The following DPYD variants were observed in gnomAD, a reference collection of about 807,000 sequenced individuals.
The protein encoded by DPYD is dihydropyrimidine dehydrogenase [NADP(+)].
In DPYD, 109 loss-of-function variants were observed where a neutral mutation model predicts 116.2. The observed-to-expected ratio is 0.94, with a 90% CI of 0.80 to 1.10. The LOEUF is 1.10. DPYD is among the 50% of genes least tolerant of loss of function. The probability of loss-of-function intolerance (pLI) is 0.00; values close to 1 mark genes in which losing one functional copy is unlikely to be tolerated. For missense variants in DPYD, 1,302 were observed against 1,254.5 expected (o/e 1.04, Z -0.57); for synonymous variants, 440 against 432.0 (o/e 1.02, Z -0.23).
intron 16 of DPYD, among the ~76,000 whole-genome samples, chr1:97,311,732 G>A (rs1052472643): frequency 1.3e-5 from 2 of 151,566 alleles, no homozygotes; most frequent in Non-Finnish European, 2.9e-5. Context: ...AAAATAAATG[G>A]TAATATAGTC....
chr1:97,151,165 A>G (rs74837460), intron 20 of DPYD, among the ~76,000 whole-genome samples: 333 of 152,330 alleles, frequency 2.2e-3, no homozygotes, highest in African/African-American at 7.5e-3. Flanking sequence ...GTTCCTTTTA[A>G]AACATTAAAA....
At chr1:97,308,424 G>T (rs1667292106) in intron 16 of DPYD, 1 of 151,568 alleles carries the variant, frequency 6.6e-6, no homozygotes, top group Non-Finnish European at 1.5e-5. Flanking sequence ...CACAGCCAAG[G>T]GTAAGTACAG....
intron 13 of DPYD, among the ~76,000 whole-genome samples, chr1:97,477,645 G>A (rs1258465985): frequency 3.3e-5 from 4 of 122,746 alleles, no homozygotes; most frequent in African/African-American, 1.3e-4. Flanking sequence ...ACGGAGTCTC[G>A]CTCTGTCGCC....
intron 14 of DPYD, among the ~76,000 whole-genome samples, chr1:97,394,702 T>G (rs1279961041): frequency 6.6e-6 from 1 of 151,960 alleles, no homozygotes; most frequent in South Asian, 2.1e-4. Flanking sequence ...GCCACAAACC[T>G]TCAATTTGTA....
At chr1:97,553,277 C>A (rs901647137) in intron 11 of DPYD, among the ~76,000 whole-genome samples, 1 of 151,856 alleles carries the variant, frequency 6.6e-6, no homozygotes, top group Non-Finnish European at 1.5e-5. Context: ...TAAAATATAG[C>A]CATTATTTTA....
chr1:97,741,758 G>A (rs1402605759), intron 3 of DPYD, among the ~76,000 whole-genome samples: 1 of 152,142 alleles, frequency 6.6e-6, no homozygotes, highest in African/African-American at 2.4e-5. Flanking sequence ...TACAGACACA[G>A]AAAAAGCCAC....
intron 3 of DPYD, among the ~76,000 whole-genome samples, chr1:97,814,655 T>C (rs1668490304): frequency 6.6e-6 from 1 of 152,118 alleles, no homozygotes; most frequent in Admixed American, 6.6e-5. Flanking sequence ...ATAGAAAGAC[T>C]TGTGGATGAA....
chr1:97,433,325 C>T (rs1356264383), intron 14 of DPYD, among the ~76,000 whole-genome samples: 2 of 152,062 alleles, frequency 1.3e-5, no homozygotes, highest in Admixed American at 6.6e-5. Flanking sequence ...ATGGTCCGTG[C>T]CTGGGCTTCT....
At chr1:97,201,329 TA>T (rs1659187499) in intron 19 of DPYD, among the ~76,000 whole-genome samples, 2 of 152,224 alleles carry the variant, frequency 1.3e-5, no homozygotes, top group Admixed American at 6.6e-5. Flanking sequence ...ACCTACTGAT[TA>T]AAAAAATCAG....
At chr1:97,800,154 A>T (rs1571378654) in intron 3 of DPYD, among the ~76,000 whole-genome samples, 1 of 152,082 alleles carries the variant, frequency 6.6e-6, no homozygotes, top group East Asian at 1.9e-4. Context: ...TACCTACTTC[A>T]TAGGAGTGTC....
intron 10 of DPYD, among the ~76,000 whole-genome samples, chr1:97,577,544 T>C (rs1364007218): frequency 6.6e-6 from 1 of 152,098 alleles, no homozygotes; most frequent in Admixed American, 6.5e-5. Flanking sequence ...TTTCTCTTTC[T>C]CTCTCTCCAT....
At chr1:97,413,632 C>T (rs1403217880) in intron 14 of DPYD, among the ~76,000 whole-genome samples, 1 of 151,966 alleles carries the variant, frequency 6.6e-6, no homozygotes, top group African/African-American at 2.4e-5. Context: ...GCCACCACAC[C>T]TGCCTAATTT....
At chr1:97,751,409 C>CGT (rs1422410075) in intron 3 of DPYD, among the ~76,000 whole-genome samples, 1 of 75,082 alleles carries the variant, frequency 1.3e-5, no homozygotes, top group Non-Finnish European at 2.8e-5. Flanking sequence ...TACATATATA[C>CGT]GTGTATATAT....
At chr1:97,897,294 C>T in intron 1 of DPYD, among the ~76,000 whole-genome samples, 1 of 151,872 alleles carries the variant, frequency 6.6e-6, no homozygotes, top group East Asian at 1.9e-4. Flanking sequence ...ATCCAGTACA[C>T]CTGTTTTTTT....
chr1:97,202,466 A>G lies in DPYD; in HGVS notation c.2443-9218T>C, dbSNP rs377148869. Among the ~76,000 whole-genome samples the G allele has an allele frequency of 9.2e-5, 14 of 152,300 alleles. No individual in the cohort carries two copies. In the East Asian group the frequency reaches 2.5e-3, roughly 27 times the overall value. ...TTAATTTCTTAACCCAAGATCAGCT[A>G]AAGACAGACTGAAGAGAATAATATG... On this transcript the variant is annotated intron_variant, in intron 19 of 22. Coordinates refer to ENST00000370192, the MANE Select transcript of DPYD (RefSeq NM_000110.4).
At chr1:97,213,168 C>T (rs1218296038) in intron 19 of DPYD, among the ~76,000 whole-genome samples, 1 of 152,072 alleles carries the variant, frequency 6.6e-6, no homozygotes, top group African/African-American at 2.4e-5. Context: ...TTACCAAAGG[C>T]CTATCTCTTA....
At chr1:97,491,449 G>A (rs1557749611) in intron 13 of DPYD, among the ~76,000 whole-genome samples, 1 of 151,834 alleles carries the variant, frequency 6.6e-6, no homozygotes, top group Non-Finnish European at 1.5e-5. Flanking sequence ...TATATACTAC[G>A]TAACCATGAG....
At chr1:97,820,302 G>C (rs1225159457) in intron 3 of DPYD, among the ~76,000 whole-genome samples, 1 of 152,018 alleles carries the variant, frequency 6.6e-6, no homozygotes, top group Non-Finnish European at 1.5e-5. Flanking sequence ...CACACAGACG[G>C]GACATACCTG....
rs543381808 is a variant in DPYD, at chr1:97,299,831, A to C, written c.2299+5428T>G. Among the ~76,000 whole-genome samples, 18 of 152,230 alleles carry C rather than the reference A, an allele frequency of 1.2e-4. No individual in the cohort carries two copies. The South Asian group carries it at 3.7e-3, about 32-fold the overall frequency. On this transcript the variant is annotated intron_variant, in intron 18 of 22. Coordinates refer to ENST00000370192, the MANE Select transcript of DPYD (RefSeq NM_000110.4). ...AGCTCACTGTCAAAAATCTATTATT[A>C]GGGCCCTGGTCTCCTGCACAGACCA... is the stretch of plus-strand genomic sequence containing the variant.
Sources: allele counts gnomAD v4.1 joint callset (sites outside exome capture counted in the v4.1 genomes callset), GRCh38; gene constraint gnomAD v4.1.1; transcripts MANE v1.5; gene names NCBI Gene and HGNC (gene_info 2026-07-23, HGNC 2026-07-21).